The following YIPF5 variants were observed in gnomAD, a reference collection of about 807,000 sequenced individuals.
YIPF5 encodes the protein Yip1 domain family member 5.
Under a neutral mutation model 30.4 loss-of-function variants are expected in YIPF5, and 8 were observed. The ratio of observed to expected loss-of-function variants is 0.26; its 90% confidence interval spans 0.15 to 0.47. The LOEUF is 0.47. YIPF5 is among the 20% of genes least tolerant of loss of function. The probability of loss-of-function intolerance (pLI) is 0.99; values close to 1 mark genes in which losing one functional copy is unlikely to be tolerated. For missense variants in YIPF5, 282 were observed against 301.8 expected (o/e 0.93, Z 0.49); for synonymous variants, 104 against 107.9 (o/e 0.96, Z 0.23).
At chr5:144,170,097 A>G in intron 1 of YIPF5, 132 bp from the exon 2 acceptor site, 1 of 680,370 alleles carries the variant, frequency 1.5e-6, no homozygotes, top group Non-Finnish European at 2.6e-6. Context: ...ATGGGGGCGG[A>G]AAGTACGCAG....
intron 2 of YIPF5, among the ~76,000 whole-genome samples, chr5:144,169,597 C>T (rs1752303824): frequency 6.6e-6 from 1 of 152,166 alleles, no homozygotes; most frequent in Admixed American, 6.5e-5. Context: ...AACAGTTCTT[C>T]AAACAAGCTA....
chr5:144,160,317 G>C lies in YIPF5; in HGVS notation c.*80C>G. 1 of 1,537,632 alleles carries C rather than the reference G, an allele frequency of 6.5e-7. No individual in the cohort carries two copies. Among genetic ancestry groups the C allele is most frequent in the South Asian group, 1.3e-5 (1 of 78,116 alleles). On this transcript the variant is annotated 3_prime_UTR_variant, in exon 6 of 6. Coordinates refer to ENST00000274496, the MANE Select transcript of YIPF5 (RefSeq NM_030799.9). ...AAATCTGCATGAGAGTTGCGCTGCA[G>C]CAGTTTGCTGGTCCAATTTAAGAGT...
chr5:144,170,071 G>C (rs1297586208), intron 1 of YIPF5, 106 bp from the exon 2 acceptor site: 1 of 858,742 alleles, frequency 1.2e-6, no homozygotes, highest in East Asian at 2.6e-5. Context: ...TATTTTTTCA[G>C]TAATTCGGAG....
In YIPF5 at chr5:144,162,309, C is replaced by A. The variant is rs1052860970; in HGVS notation, c.520G>T (p.Gly174Cys). 3.1e-6 allele frequency: 5 copies of A among 1,614,004 alleles called. No homozygotes were observed. In the Admixed American group the frequency reaches 5.0e-5, roughly 16 times the overall value. ...CTTGCCACACAACCAAATGAAACAC[C>A]TGTCATACTCATTAAGTTTAATAAA... is the stretch of plus-strand genomic sequence containing the variant. The part of the protein sequence containing the change: ...FCLLNLMSMT[G>C]VSFGCVASVL... The change falls in exon 5 of 6, where the codon GGT becomes TGT. Residue 174 changes from glycine to cysteine, a missense_variant. By Grantham distance (159) the Gly-to-Cys change is radical (BLOSUM62 -3). Transcript: ENST00000274496.
Sources: allele counts gnomAD v4.1 joint callset (sites outside exome capture counted in the v4.1 genomes callset), GRCh38; gene constraint gnomAD v4.1.1; transcripts MANE v1.5; gene names NCBI Gene and HGNC (gene_info 2026-07-23, HGNC 2026-07-21).